Variants in AGAP1 observed in about 807,000 individuals in gnomAD.
The protein encoded by AGAP1 is arf-GAP with GTPase, ANK repeat and PH domain-containing protein 1.
Under a neutral mutation model 105.3 loss-of-function variants are expected in AGAP1, and 29 were observed. The observed-to-expected ratio is 0.28, with a 90% CI of 0.21 to 0.38. The LOEUF is 0.38. AGAP1 is among the 10% of genes least tolerant of loss of function. The pLI, the probability that AGAP1 is intolerant of heterozygous loss-of-function variation, is 1.00. For synonymous variants in AGAP1, 509 were observed against 485.9 expected (o/e 1.05, Z -0.63); for missense variants, 998 against 1,165.1 (o/e 0.86, Z 2.09).
At chr2:235,743,625 T>G (rs1464367238) in intron 4 of AGAP1, among the ~76,000 whole-genome samples, 1 of 152,200 alleles carries the variant, frequency 6.6e-6, no homozygotes, top group Non-Finnish European at 1.5e-5. Flanking sequence ...ACCATGTACA[T>G]GTTTTACATA....
Position 235,818,048 on chromosome 2 carries a change from G to A in AGAP1, c.1050+10717G>A, listed in dbSNP as rs140822361. Among the ~76,000 whole-genome samples the A allele has an allele frequency of 3.1e-3, 469 of 152,286 alleles. 3 individuals are homozygous for A. The highest frequency in any genetic ancestry group is 0.02 in the East Asian group (104 of 5,186). ...GGGCCGTCCCAAGTCTAGTCCTCCT[G>A]GTTCAATCCGATCTGCTCCCTGCAA... On this transcript the variant is annotated intron_variant, in intron 9 of 17. Transcript: ENST00000304032.
chr2:236,131,554 C>G lies in AGAP1; in HGVS notation c.*7432C>G, dbSNP rs2060084674. On this transcript the variant is annotated 3_prime_UTR_variant, in exon 18 of 18. Coordinates refer to ENST00000304032, the MANE Select transcript of AGAP1 (RefSeq NM_001037131.3). This position sits in a 1 kb window ranked among gnomAD's most constrained non-coding sequence, Gnocchi z 5.9. ...TATGTTTCACAATGACTCAATGATGCTTTATTTATATTGTTTGTACTGTAA... is the reference window on the plus strand; with the variant it reads ...TATGTTTCACAATGACTCAATGATGGTTTATTTATATTGTTTGTACTGTAA... 6.6e-6 allele frequency: 1 copy of G among 152,042 alleles called. No homozygotes were observed. Among genetic ancestry groups the G allele is most frequent in the Non-Finnish European group, 1.5e-5 (1 of 67,998 alleles). 9.4% of individuals were successfully genotyped at this position (152,042 alleles called of 1,614,324 possible).
chr2:235,766,971 TG>T (rs1481968426), intron 6 of AGAP1, among the ~76,000 whole-genome samples: 1 of 147,592 alleles, frequency 6.8e-6, no homozygotes, highest in Non-Finnish European at 1.5e-5. Context: ...TGGAGTTCAG[TG>T]GTATGATCTT....
At chr2:235,881,732 G>A (rs912066767) in intron 9 of AGAP1, among the ~76,000 whole-genome samples, 7 of 152,202 alleles carry the variant, frequency 4.6e-5, no homozygotes, top group African/African-American at 1.7e-4. Flanking sequence ...GGTAGAGCAA[G>A]GTTTGCTGGG....
rs969657961 is a variant in AGAP1 at position 236,014,546 on chromosome 2, G to A, written c.1646-22015G>A. On this transcript the variant is annotated intron_variant, in intron 13 of 17. Coordinates refer to ENST00000304032, the MANE Select transcript of AGAP1 (RefSeq NM_001037131.3). The surrounding 1 kb of genome is among the most constrained non-coding windows in gnomAD (Gnocchi z 6.3). ...AGCAGGGCGAAGCAGACTTCTGCGC[G>A]TGGGTAGTTCTTTGACGTTAGATGC... Among the ~76,000 whole-genome samples, 4 of 152,142 alleles carry A rather than the reference G, an allele frequency of 2.6e-5. No individual in the cohort carries two copies. The highest frequency in any genetic ancestry group is 1.9e-4 in the East Asian group (1 of 5,156).
At chr2:235,731,838 G>T (rs533000900) in intron 3 of AGAP1, among the ~76,000 whole-genome samples, 2 of 152,054 alleles carry the variant, frequency 1.3e-5, no homozygotes, top group East Asian at 1.9e-4. Context: ...GTCAAAAAAC[G>T]CAGGCTCTAA....
chr2:235,892,582 G>GA (rs11336949), intron 10 of AGAP1, among the ~76,000 whole-genome samples: 13,412 of 142,812 alleles, frequency 0.094, 1,643 homozygotes, highest in African/African-American at 0.29. Context: ...AATCATTCAA[G>GA]AAAAAAAAAA....
At chr2:235,604,815 C>T (rs1471204671) in intron 1 of AGAP1, among the ~76,000 whole-genome samples, 1 of 151,822 alleles carries the variant, frequency 6.6e-6, no homozygotes. Context: ...ATCTCCTGAC[C>T]TCGTGATCTG....
intron 1 of AGAP1, among the ~76,000 whole-genome samples, chr2:235,527,106 A>G (rs1942869637): frequency 6.6e-6 from 1 of 152,192 alleles, no homozygotes; most frequent in African/African-American, 2.4e-5. Flanking sequence ...ACATGTAGCA[A>G]TCAGTAGAAA....
At chr2:235,938,162 C>T (rs999116639) in intron 12 of AGAP1, among the ~76,000 whole-genome samples, 1 of 152,208 alleles carries the variant, frequency 6.6e-6, no homozygotes, top group African/African-American at 2.4e-5. Flanking sequence ...ATGGAACTCA[C>T]TGCTTGCCAG....
rs1332346183 is a variant in AGAP1 at position 236,121,038 on chromosome 2, G to C, written c.2370+591G>C. Among the ~76,000 whole-genome samples, 1 of 152,228 alleles carries C rather than the reference G, an allele frequency of 6.6e-6. No individual in the cohort carries two copies. Among genetic ancestry groups the C allele is most frequent in the Non-Finnish European group, 1.5e-5 (1 of 68,038 alleles). On this transcript the variant is annotated intron_variant, in intron 17 of 17. Coordinates refer to ENST00000304032, the MANE Select transcript of AGAP1 (RefSeq NM_001037131.3). This position sits in a 1 kb window ranked among gnomAD's most constrained non-coding sequence, Gnocchi z 4.9. ...ACGTCTGAGAAGCCACGCCCACTTA[G>C]GGGCTGCCTGTGGACCCCTGGGGCT...
intron 1 of AGAP1, among the ~76,000 whole-genome samples, chr2:235,661,173 A>G (rs1185900399): frequency 2.0e-5 from 3 of 152,114 alleles, no homozygotes; most frequent in African/African-American, 7.2e-5. Flanking sequence ...TGAACAGTAG[A>G]GGGAGAGTGG....
intron 16 of AGAP1, among the ~76,000 whole-genome samples, chr2:236,070,813 C>T (rs905121101): frequency 2.0e-5 from 3 of 152,138 alleles, no homozygotes; most frequent in Non-Finnish European, 4.4e-5. Context: ...AGTGCTTGCT[C>T]ATGGGAGTGG....
At chr2:235,645,745 G>T (rs950876069) in intron 1 of AGAP1, among the ~76,000 whole-genome samples, 7 of 152,134 alleles carry the variant, frequency 4.6e-5, no homozygotes, top group South Asian at 2.1e-4. Flanking sequence ...GAGAAAACCG[G>T]CACAGAAACA....
rs1945647659 is a variant in AGAP1, at chr2:235,599,258, G to A, written c.163+104409G>A. Among the ~76,000 whole-genome samples, 1 of 152,150 alleles carries A rather than the reference G, an allele frequency of 6.6e-6. No homozygotes were observed. Among genetic ancestry groups the A allele is most frequent in the Non-Finnish European group, 1.5e-5 (1 of 68,042 alleles). ...CACAGCTGTTCATTTCGGTGGCCGAGGGCCTGTGGGCTGCAGTACGTTTAC... is the reference window on the plus strand; with the variant it reads ...CACAGCTGTTCATTTCGGTGGCCGAAGGCCTGTGGGCTGCAGTACGTTTAC... On this transcript the variant is annotated intron_variant, in intron 1 of 17. Coordinates refer to ENST00000304032, the MANE Select transcript of AGAP1 (RefSeq NM_001037131.3). The surrounding 1 kb of genome is among the most constrained non-coding windows in gnomAD (Gnocchi z 5.3).
At chr2:236,006,795 T>C (rs2056337646) in intron 13 of AGAP1, among the ~76,000 whole-genome samples, 2 of 152,226 alleles carry the variant, frequency 1.3e-5, no homozygotes, top group South Asian at 4.1e-4. Context: ...AGATAAGCCA[T>C]GGCTTATTCA....
intron 1 of AGAP1, among the ~76,000 whole-genome samples, chr2:235,580,481 T>A (rs912194013): frequency 1.3e-5 from 2 of 151,388 alleles, no homozygotes; most frequent in African/African-American, 4.9e-5. Context: ...TTGGGGAGGG[T>A]GCGCTTTCTA....
At chr2:235,707,821 TGTG>T in intron 1 of AGAP1, among the ~76,000 whole-genome samples, 1 of 150,566 alleles carries the variant, frequency 6.6e-6, no homozygotes, top group African/African-American at 2.4e-5. Context: ...TCCTCATTTG[TGTG>T]ACCTGATGGG....
chr2:235,851,141 C>A (rs1281227262), intron 9 of AGAP1, among the ~76,000 whole-genome samples: 3 of 152,256 alleles, frequency 2.0e-5, no homozygotes, highest in Non-Finnish European at 4.4e-5. Flanking sequence ...TTGGACACAG[C>A]AGCCAGTGTT....
Sources: allele counts gnomAD v4.1 joint callset (sites outside exome capture counted in the v4.1 genomes callset), GRCh38; gene constraint gnomAD v4.1.1; non-coding constraint Gnocchi (gnomAD v3.1); transcripts MANE v1.5; gene names NCBI Gene and HGNC (gene_info 2026-07-23, HGNC 2026-07-21).